Variants in P2RY6 observed in about 807,000 individuals in gnomAD.
The protein encoded by P2RY6 is P2Y purinoceptor 6.
Under a neutral mutation model 16.3 loss-of-function variants are expected in P2RY6, and 19 were observed. The ratio of observed to expected loss-of-function variants is 1.16; its 90% CI spans 0.81 to 1.71. The LOEUF is 1.71. P2RY6 is among the 40% of genes most tolerant of loss of function. The pLI, the probability that P2RY6 is intolerant of heterozygous loss-of-function variation, is 0.00. For synonymous variants in P2RY6, 184 were observed against 201.5 expected, an observed-to-expected ratio of 0.91 and a Z score of 0.74; for missense variants, 389 against 455.5, an observed-to-expected ratio of 0.85 and a Z score of 1.33.
intron 1 of P2RY6, among the ~76,000 whole-genome samples, chr11:73,290,691 C>A (rs1450781980): frequency 6.6e-6 from 1 of 152,268 alleles, no homozygotes; most frequent in Non-Finnish European, 1.5e-5. Context: ...GTCCCTCTGG[C>A]CCTTCAGTGC....
At chr11:73,292,681 C>A in intron 1 of P2RY6, 2 of 440,110 alleles carry the variant, frequency 4.5e-6, no homozygotes, top group Non-Finnish European at 6.0e-6. Context: ...CTCCTTGCTC[C>A]TCTAAGCCCA....
intron 1 of P2RY6, among the ~76,000 whole-genome samples, chr11:73,264,853 T>TA (rs57324172): frequency 3.4e-4 from 50 of 147,972 alleles, no homozygotes; most frequent in East Asian, 3.0e-3. Flanking sequence ...AGACTCCGTC[T>TA]AAAAAAAAAA....
At chr11:73,278,783 C>G (rs1174191362) in intron 1 of P2RY6, among the ~76,000 whole-genome samples, 2 of 152,234 alleles carry the variant, frequency 1.3e-5, no homozygotes, top group Middle Eastern at 3.4e-3. Context: ...AGCTGTTTGG[C>G]TTGTTTCTAC....
At chr11:73,270,801 G>A (rs1348205353), upstream of P2RY6, among the ~76,000 whole-genome samples, 10 of 152,102 alleles carry the variant, frequency 6.6e-5, no homozygotes. Flanking sequence ...GGCACAGAGT[G>A]GGGGCTTGGG....
At chr11:73,290,281 GGAAAGAAAGAAAGAAAGAAAGAAAA>G (rs1864152051) in intron 1 of P2RY6, among the ~76,000 whole-genome samples, 1 of 131,078 alleles carries the variant, frequency 7.6e-6, no homozygotes, top group Non-Finnish European at 1.6e-5. Flanking sequence ...AAGAAAGGAA[GGAAAGAAAGAAAGAAAGAAAGAAAA>G]GAAAGAAAGA....
Position 73,296,507 on chromosome 11 carries a change from A to G in P2RY6, c.-12A>G. On this transcript the variant is annotated 5_prime_UTR_variant, in exon 3 of 3. Transcript: ENST00000540124. The stretch of plus-strand genomic sequence containing the variant: ...CAGCCTCCCTGAACATAGGAAACCC[A>G]CCTGGGCAGCCATGGAATGGGACAA... 1 of 1,610,080 alleles carries G rather than the reference A, an allele frequency of 6.2e-7. No homozygotes were observed. The highest frequency in any genetic ancestry group is 8.5e-7 in the Non-Finnish European group (1 of 1,176,788).
At position 73,295,824 on chromosome 11, in the gene P2RY6, A is replaced by T; in HGVS notation, c.-35+9A>T. On this transcript the variant is annotated intron_variant, in intron 2 of 2. Transcript: ENST00000540124. ...TCCTCAGTGAGCCCCTGGTGTGTGG[A>T]CCCTTCGCATTGGTTAACTAAGAGT... is the stretch of plus-strand genomic sequence containing the variant. 1 of 977,422 alleles carries T rather than the reference A, an allele frequency of 1.0e-6. No homozygotes were observed. Among genetic ancestry groups the T allele is most frequent in the Admixed American group, 6.2e-5 (1 of 16,222 alleles). 60.5% of individuals were successfully genotyped at this position (977,422 alleles called of 1,614,324 possible).
At chr11:73,286,383 C>T (rs1249806692) in intron 1 of P2RY6, among the ~76,000 whole-genome samples, 2 of 152,086 alleles carry the variant, frequency 1.3e-5, no homozygotes, top group Non-Finnish European at 2.9e-5. Context: ...AACTGCCTAC[C>T]TTCGGGCCTC....
At chr11:73,284,031 G>T (rs1178053807) in intron 1 of P2RY6, among the ~76,000 whole-genome samples, 1 of 152,138 alleles carries the variant, frequency 6.6e-6, no homozygotes, top group Non-Finnish European at 1.5e-5. Context: ...GCTGAAGGCA[G>T]CCCCTCTGAA....
In P2RY6 at chr11:73,296,985, C is replaced by G. The variant is rs142319571; in HGVS notation, c.467C>G (p.Thr156Arg). The G allele has an allele frequency of 3.7e-4, 591 of 1,601,702 alleles. No individual in the cohort carries two copies. Among genetic ancestry groups the G allele is most frequent in the Non-Finnish European group, 4.9e-4 (573 of 1,179,952 alleles). ...LVCVAVWLAVTTQCLPTAIFA... is the reference protein window; with the variant it reads ...LVCVAVWLAVRTQCLPTAIFA... ...TGTGTAGCCGTGTGGCTGGCCGTGACAACCCAGTGCCTGCCCACAGCCATC... is the reference window on the plus strand; with the variant it reads ...TGTGTAGCCGTGTGGCTGGCCGTGAGAACCCAGTGCCTGCCCACAGCCATC... Residue 156 changes from threonine (T) to arginine (R), a missense_variant, in exon 3 of 3, where the codon ACA (threonine) becomes AGA (arginine). Thr to Arg is a moderately conservative substitution (Grantham distance 71, BLOSUM62 -1). Coordinates refer to ENST00000540124, the MANE Select transcript of P2RY6 (RefSeq NM_001277204.2).
chr11:73,297,296 A>G lies in P2RY6; in HGVS notation c.778A>G (p.Thr260Ala). The G allele has an allele frequency of 1.9e-6, 3 of 1,609,584 alleles. No homozygotes were observed. The highest frequency in any genetic ancestry group is 2.5e-6 in the Non-Finnish European group (3 of 1,179,014). ...CTTCCTGCCTTTTCACATCACCAAGACAGCCTACCTGGCAGTGCGCTCGAC... is the reference window on the plus strand; with the variant it reads ...CTTCCTGCCTTTTCACATCACCAAGGCAGCCTACCTGGCAGTGCGCTCGAC... ...ISFLPFHITKTAYLAVRSTPG... is the reference protein window; with the variant it reads ...ISFLPFHITKAAYLAVRSTPG... The change falls in exon 3 of 3, where the codon ACA becomes GCA. Residue 260 changes from threonine to alanine, a missense_variant. Coordinates refer to ENST00000540124, the MANE Select transcript of P2RY6 (RefSeq NM_001277204.2).
chr11:73,269,709 A>G (rs1863223691), upstream of P2RY6, among the ~76,000 whole-genome samples: 1 of 152,232 alleles, frequency 6.6e-6, no homozygotes, highest in Admixed American at 6.5e-5. Context: ...CACATGGCTG[A>G]CAAGCCCCCA....
chr11:73,290,374 A>G (rs1864191784), intron 1 of P2RY6, among the ~76,000 whole-genome samples: 1 of 149,040 alleles, frequency 6.7e-6, no homozygotes, highest in Non-Finnish European at 1.5e-5. Context: ...AAGGAAAGAA[A>G]GAGAAAGAAA....
chr11:73,293,137 G>A (rs904503630), intron 1 of P2RY6, among the ~76,000 whole-genome samples: 1 of 152,220 alleles, frequency 6.6e-6, no homozygotes, highest in African/African-American at 2.4e-5. Context: ...GAGCTAGATA[G>A]ACACTTAGGG....
intron 1 of P2RY6, chr11:73,265,363 C>T (rs1262044415): frequency 5.3e-5 from 8 of 152,226 alleles, no homozygotes; most frequent in Non-Finnish European, 8.8e-5. Flanking sequence ...ATTTTTTTAT[C>T]TTCCAAAATT....
intron 1 of P2RY6, among the ~76,000 whole-genome samples, chr11:73,266,514 A>G (rs940930784): frequency 6.6e-6 from 1 of 152,114 alleles, no homozygotes; most frequent in African/African-American, 2.4e-5. Flanking sequence ...GCTGAAAGGG[A>G]GGCTGTGAGG....
chr11:73,283,005 C>T (rs1459439277), intron 1 of P2RY6, among the ~76,000 whole-genome samples: 2 of 152,174 alleles, frequency 1.3e-5, no homozygotes, highest in African/African-American at 4.8e-5. Flanking sequence ...GGTAAAGTCA[C>T]AGCTCATAAG....
At chr11:73,287,539 G>T (rs1864017513) in intron 1 of P2RY6, among the ~76,000 whole-genome samples, 1 of 152,218 alleles carries the variant, frequency 6.6e-6, no homozygotes, top group Non-Finnish European at 1.5e-5. Flanking sequence ...GCTACAGAGG[G>T]GCTGAACAAT....
At chr11:73,271,964 C>T (rs1422747037), upstream of P2RY6, 2 of 152,088 alleles carry the variant, frequency 1.3e-5, no homozygotes, top group African/African-American at 4.8e-5. Flanking sequence ...CAGCAATGAG[C>T]AGAAGCAGGG....
Sources: gnomAD v4.1 joint callset for allele counts (sites outside exome capture counted in the v4.1 genomes callset) on GRCh38, gnomAD v4.1.1 for gene constraint, MANE v1.5 for transcripts, NCBI Gene and HGNC (gene_info 2026-07-23, HGNC 2026-07-21) for gene names.